SYN3: variants seen among roughly 807,000 people sequenced by gnomAD.
SYN3 encodes the protein synapsin III.
In SYN3, 35 loss-of-function variants were observed where a neutral mutation model predicts 65.8. That is an observed-to-expected ratio of 0.53 (90% CI 0.41 to 0.70). The LOEUF (loss-of-function observed/expected upper bound fraction) is 0.70, where lower values mean the gene tolerates loss of function less well. SYN3 is among the 30% of genes least tolerant of loss of function. The pLI is 0.00. For missense variants in SYN3, 680 were observed against 749.0 expected (o/e 0.91, Z 1.08); for synonymous variants, 270 against 292.9 (o/e 0.92, Z 0.80).
intron 1 of SYN3, among the ~76,000 whole-genome samples, chr22:33,026,162 T>C (rs891300247): frequency 3.9e-5 from 6 of 152,166 alleles, no homozygotes; most frequent in African/African-American, 7.2e-5. Flanking sequence ...ATTCATGCCA[T>C]TGGGGGTCTG....
chr22:33,013,773 A>C (rs1296058474), intron 1 of SYN3, among the ~76,000 whole-genome samples: 1 of 150,986 alleles, frequency 6.6e-6, no homozygotes, highest in Non-Finnish European at 1.5e-5. Flanking sequence ...CTCAAATTCT[A>C]TGAGTTCAAT....
chr22:32,729,574 G>A (rs1327747895), intron 6 of SYN3, among the ~76,000 whole-genome samples: 1 of 152,226 alleles, frequency 6.6e-6, no homozygotes, highest in Non-Finnish European at 1.5e-5. Context: ...ATTAGTAAGA[G>A]TACTGATGTT....
chr22:32,693,791 C>A (rs907819616), intron 6 of SYN3, among the ~76,000 whole-genome samples: 1 of 151,736 alleles, frequency 6.6e-6, no homozygotes, highest in African/African-American at 2.4e-5. Context: ...GGCATCTCAC[C>A]GTGATGGCCA....
chr22:32,981,088 C>T (rs1207327323), intron 2 of SYN3, among the ~76,000 whole-genome samples: 1 of 151,116 alleles, frequency 6.6e-6, no homozygotes, highest in African/African-American at 2.4e-5. Flanking sequence ...CTCCTGACCT[C>T]AGGCAATCCA....
chr22:32,575,063 G>A (rs1327566472), intron 7 of SYN3, among the ~76,000 whole-genome samples: 1 of 152,214 alleles, frequency 6.6e-6, no homozygotes, highest in Non-Finnish European at 1.5e-5. Flanking sequence ...ACCTAAGCGG[G>A]TGGTTTTCAA....
chr22:32,797,916 A>G (rs140673118), intron 6 of SYN3, among the ~76,000 whole-genome samples: 199 of 152,368 alleles, frequency 1.3e-3, no homozygotes, highest in African/African-American at 4.7e-3. Context: ...TAAACACAGA[A>G]GTGGACGCCT....
At chr22:32,972,793 G>C (rs1370753443) in intron 3 of SYN3, among the ~76,000 whole-genome samples, 1 of 151,926 alleles carries the variant, frequency 6.6e-6, no homozygotes, top group Non-Finnish European at 1.5e-5. Flanking sequence ...AGGAGTTCAT[G>C]ACCAGCCTAG....
At chr22:32,985,375 TTA>T (rs2052493526) in intron 2 of SYN3, among the ~76,000 whole-genome samples, 1 of 152,152 alleles carries the variant, frequency 6.6e-6, no homozygotes, top group African/African-American at 2.4e-5. Flanking sequence ...CAAAGCAGAA[TTA>T]TGACTCACCT....
intron 6 of SYN3, among the ~76,000 whole-genome samples, chr22:32,767,215 G>A (rs1029567285): frequency 3.9e-5 from 6 of 152,108 alleles, no homozygotes; most frequent in East Asian, 3.9e-4. Context: ...TTTTGCTTTC[G>A]TAAATAAAGT....
chr22:32,663,935 C>CA (rs1275162691), intron 6 of SYN3, among the ~76,000 whole-genome samples: 1 of 136,444 alleles, frequency 7.3e-6, no homozygotes, highest in Admixed American at 7.5e-5. Flanking sequence ...CAGCATTCCC[C>CA]CCCCACACTG....
chr22:32,843,226 C>T (rs956901511), intron 6 of SYN3, among the ~76,000 whole-genome samples: 5 of 152,220 alleles, frequency 3.3e-5, no homozygotes, highest in African/African-American at 1.2e-4. Context: ...AGAACATGCA[C>T]ACGTTGCTTG....
At chr22:33,009,287 T>C (rs980443819) in intron 1 of SYN3, among the ~76,000 whole-genome samples, 110 of 152,316 alleles carry the variant, frequency 7.2e-4, no homozygotes, top group Middle Eastern at 3.4e-3. Flanking sequence ...CATTTGGTTG[T>C]CGTCGTTTTC....
rs2059267109 is a variant in SYN3, at chr22:32,600,558, AAGGCACAG to A, written c.712-3830_712-3823del. Among the ~76,000 whole-genome samples, 7 of 152,320 alleles carry A rather than the reference AAGGCACAG, an allele frequency of 4.6e-5. No homozygotes were observed. In the South Asian group the frequency reaches 1.4e-3, roughly 32 times the overall value. ...GAGTAGGTTGTGGGTGGATGGATAG[AAGGCACAG>A]AGTTCCCCCAAGGGTGAATGGTGCA... is the stretch of plus-strand genomic sequence containing the variant. On this transcript the variant is annotated intron_variant, in intron 6 of 13. Transcript: ENST00000358763.
chr22:32,541,946 T>C (rs1296136065), intron 7 of SYN3, among the ~76,000 whole-genome samples: 3 of 151,862 alleles, frequency 2.0e-5, no homozygotes, highest in Non-Finnish European at 4.4e-5. Flanking sequence ...GGAGGTGAGC[T>C]CTGAACTGGG....
chr22:32,844,581 C>T (rs560840404), intron 6 of SYN3, among the ~76,000 whole-genome samples: 1 of 152,138 alleles, frequency 6.6e-6, no homozygotes, highest in Non-Finnish European at 1.5e-5. Flanking sequence ...TTCAAGAGGG[C>T]CCCATATATA....
intron 6 of SYN3, among the ~76,000 whole-genome samples, chr22:32,637,441 C>T (rs1436217170): frequency 1.3e-5 from 2 of 152,044 alleles, no homozygotes; most frequent in African/African-American, 2.4e-5. Flanking sequence ...TTAATTTCCA[C>T]CTTCTCCCTG....
intron 6 of SYN3, among the ~76,000 whole-genome samples, chr22:32,741,289 A>C (rs2147392332): frequency 6.6e-6 from 1 of 152,008 alleles, no homozygotes; most frequent in African/African-American, 2.4e-5. Flanking sequence ...GAGGTAAGCA[A>C]CTTGCCTAAG....
At chr22:32,720,946 G>T (rs1286827357) in intron 6 of SYN3, among the ~76,000 whole-genome samples, 1 of 152,166 alleles carries the variant, frequency 6.6e-6, no homozygotes, top group Admixed American at 6.5e-5. Flanking sequence ...TAGCTCTGTG[G>T]CCCCAGAGAA....
Position 32,513,409 on chromosome 22 carries a change from A to C in SYN3, c.*283T>G. On this transcript the variant is annotated 3_prime_UTR_variant, in exon 14 of 14. Coordinates refer to ENST00000358763, the MANE Select transcript of SYN3 (RefSeq NM_003490.4). ...TCACTTGGTTATCTGGCAGGTAAGC[A>C]GGCACGTGGGTAGGCAGAGGGTGTG... is the stretch of plus-strand genomic sequence containing the variant. 1 of 307,914 alleles carries C rather than the reference A, an allele frequency of 3.2e-6. No homozygotes were observed. Among genetic ancestry groups the C allele is most frequent in the Non-Finnish European group, 6.0e-6 (1 of 166,492 alleles). The allele number at this position is 307,914 out of a possible 1,614,324, so 19.1% of individuals were successfully genotyped here.
Sources: allele counts gnomAD v4.1 joint callset (sites outside exome capture counted in the v4.1 genomes callset), GRCh38; gene constraint gnomAD v4.1.1; transcripts MANE v1.5; gene names NCBI Gene and HGNC (gene_info 2026-07-23, HGNC 2026-07-21).